Variants in PDSS2 observed in about 807,000 individuals in gnomAD.
The protein encoded by PDSS2 is decaprenyl diphosphate synthase subunit 2.
A neutral mutation model predicts 44.5 loss-of-function variants in PDSS2; 31 were observed. The ratio of observed to expected loss-of-function variants is 0.70; its 90% CI spans 0.52 to 0.94. PDSS2 has a LOEUF of 0.94. Among genes scored for constraint, PDSS2 ranks in the 40% least tolerant of loss-of-function variants. PDSS2 has a pLI of 0.00. For synonymous variants in PDSS2, 157 were observed against 180.3 expected (o/e 0.87, Z 1.03); for missense variants, 452 against 482.2 (o/e 0.94, Z 0.59).
At chr6:107,339,624 C>T (rs1392448440) in intron 1 of PDSS2, among the ~76,000 whole-genome samples, 1 of 151,914 alleles carries the variant, frequency 6.6e-6, no homozygotes, top group African/African-American at 2.4e-5. Context: ...GCCATGAGAG[C>T]TTGGAATACA....
chr6:107,382,416 G>A (rs1779480494), intron 1 of PDSS2, among the ~76,000 whole-genome samples: 1 of 152,088 alleles, frequency 6.6e-6, no homozygotes. Context: ...ATGGGGAAAA[G>A]TAAAAGCAGG....
chr6:107,345,530 G>T (rs893767742), intron 1 of PDSS2, among the ~76,000 whole-genome samples: 4 of 151,662 alleles, frequency 2.6e-5, no homozygotes, highest in African/African-American at 9.7e-5. Context: ...ATATTATGAA[G>T]AGGCTAAAGC....
intron 1 of PDSS2, among the ~76,000 whole-genome samples, chr6:107,428,534 AAG>A (rs1272381099): frequency 1.3e-5 from 2 of 152,184 alleles, no homozygotes; most frequent in African/African-American, 4.8e-5. Context: ...AGAAACATAA[AAG>A]AGAAAATCAG....
intron 1 of PDSS2, among the ~76,000 whole-genome samples, chr6:107,410,896 T>C (rs142077776): frequency 8.0e-4 from 121 of 150,946 alleles, no homozygotes; most frequent in African/African-American, 2.8e-3. Flanking sequence ...TATTTTGTTA[T>C]TACTTTTTTG....
chr6:107,319,210 T>C (rs1469630627), intron 2 of PDSS2, among the ~76,000 whole-genome samples: 1 of 152,178 alleles, frequency 6.6e-6, no homozygotes, highest in Non-Finnish European at 1.5e-5. Flanking sequence ...TAAATATAAA[T>C]GTTTCTTCTC....
chr6:107,459,490 C>G lies in PDSS2; in HGVS notation c.-205G>C. On this transcript the variant is annotated 5_prime_UTR_variant, in exon 1 of 8. Coordinates refer to ENST00000369037, the MANE Select transcript of PDSS2 (RefSeq NM_020381.4). This position sits in a 1 kb window ranked among gnomAD's most constrained non-coding sequence, Gnocchi z 4.3. Reference sequence around the variant, plus strand: ...CAGGCTGGGCAAACAACAGTCCCAGCTCAGCACTGCCCCCGGCCACCCGGG... The same window carrying G: ...CAGGCTGGGCAAACAACAGTCCCAGGTCAGCACTGCCCCCGGCCACCCGGG... The G allele has an allele frequency of 1.7e-6, 1 of 595,444 alleles. No homozygotes were observed. Among genetic ancestry groups the G allele is most frequent in the Non-Finnish European group, 3.0e-6 (1 of 335,146 alleles). The allele number at this position is 595,444 out of a possible 1,614,324, so 36.9% of individuals were successfully genotyped here.
chr6:107,174,016 G>A (rs1771700650), intron 7 of PDSS2, among the ~76,000 whole-genome samples: 1 of 152,210 alleles, frequency 6.6e-6, no homozygotes, highest in African/African-American at 2.4e-5. Context: ...ATCAGCAGGT[G>A]TACATGTCCA....
At chr6:107,245,728 A>C in intron 3 of PDSS2, 109 bp from the exon 4 acceptor site, 1 of 682,128 alleles carries the variant, frequency 1.5e-6, no homozygotes, top group South Asian at 2.1e-5. Context: ...TCTGTGCTTG[A>C]CAGAAAAAAT....
intron 7 of PDSS2, among the ~76,000 whole-genome samples, chr6:107,192,936 G>C (rs540389433): frequency 3.0e-4 from 45 of 152,304 alleles, no homozygotes; most frequent in Admixed American, 1.1e-3. Context: ...CCCACGGCAA[G>C]CAGAGCCCTT....
intron 1 of PDSS2, among the ~76,000 whole-genome samples, chr6:107,438,187 AC>A (rs1781412169): frequency 6.6e-6 from 1 of 152,054 alleles, no homozygotes; most frequent in Non-Finnish European, 1.5e-5. Flanking sequence ...TCAACAGGCA[AC>A]CCACTTAGAT....
chr6:107,456,026 A>C (rs1397793208), intron 1 of PDSS2, among the ~76,000 whole-genome samples: 1 of 152,174 alleles, frequency 6.6e-6, no homozygotes, highest in Non-Finnish European at 1.5e-5. Context: ...AATGTTAATT[A>C]CAAGATGACT....
chr6:107,419,131 A>G (rs1390488324), intron 1 of PDSS2, among the ~76,000 whole-genome samples: 4 of 152,066 alleles, frequency 2.6e-5, no homozygotes, highest in Non-Finnish European at 4.4e-5. Flanking sequence ...ATTTTTTTTA[A>G]CCCACATACT....
chr6:107,297,533 T>C (rs1035211150), intron 2 of PDSS2, among the ~76,000 whole-genome samples: 3 of 150,592 alleles, frequency 2.0e-5, no homozygotes, highest in Non-Finnish European at 4.4e-5. Context: ...CAGGCGTCCG[T>C]CACCATGCCC....
At chr6:107,312,001 T>G (rs1459178820) in intron 2 of PDSS2, among the ~76,000 whole-genome samples, 1 of 152,216 alleles carries the variant, frequency 6.6e-6, no homozygotes, top group Non-Finnish European at 1.5e-5. Flanking sequence ...GCCTGGGGAT[T>G]AGGGAATGTT....
At chr6:107,260,824 C>A (rs990509384) in intron 3 of PDSS2, among the ~76,000 whole-genome samples, 1 of 151,782 alleles carries the variant, frequency 6.6e-6, no homozygotes, top group Non-Finnish European at 1.5e-5. Flanking sequence ...CCACTATGCC[C>A]GGCTAATTTT....
intron 4 of PDSS2, among the ~76,000 whole-genome samples, chr6:107,243,033 G>A (rs1311675355): frequency 6.6e-6 from 1 of 152,170 alleles, no homozygotes; most frequent in African/African-American, 2.4e-5. Flanking sequence ...TCAGCAATTG[G>A]TGCTTGCTAA....
At chr6:107,239,678 G>A (rs1774352897) in intron 4 of PDSS2, among the ~76,000 whole-genome samples, 1 of 109,026 alleles carries the variant, frequency 9.2e-6, no homozygotes. Flanking sequence ...GTCTCGCTCT[G>A]TTGCCCAGGC....
At chr6:107,393,998 C>T (rs319115) in intron 1 of PDSS2, among the ~76,000 whole-genome samples, 109,694 of 152,080 alleles carry the variant, frequency 0.72, 40,028 homozygotes, top group Middle Eastern at 0.79. Context: ...CTTTCATATG[C>T]AGCCTGAAAA....
chr6:107,210,251 G>A (rs141966449), intron 6 of PDSS2, among the ~76,000 whole-genome samples, 188 bp downstream of exon 6: 1 of 152,116 alleles, frequency 6.6e-6, no homozygotes, highest in South Asian at 2.1e-4. Context: ...GAAAAATTCA[G>A]TACTGCAATC....
Sources: gnomAD v4.1 joint callset for allele counts (sites outside exome capture counted in the v4.1 genomes callset) on GRCh38, gnomAD v4.1.1 for gene constraint, Gnocchi (gnomAD v3.1) non-coding constraint, MANE v1.5 for transcripts, NCBI Gene and HGNC (gene_info 2026-07-23, HGNC 2026-07-21) for gene names.